Variants in NAALADL2 observed in about 807,000 individuals in gnomAD.
NAALADL2 encodes N-acetylated alpha-linked acidic dipeptidase like 2.
NAALADL2 carries 76 observed loss-of-function variants against 87.2 expected under a neutral mutation model. That is an observed-to-expected ratio of 0.87 (90% CI 0.72 to 1.05). The LOEUF (loss-of-function observed/expected upper bound fraction) is 1.05, where lower values mean the gene tolerates loss of function less well. Among genes scored for constraint, NAALADL2 ranks in the 50% least tolerant of loss-of-function variants. The pLI is 0.00. For synonymous variants in NAALADL2, 354 were observed against 331.0 expected, an observed-to-expected ratio of 1.07 and a Z score of -0.75; for missense variants, 1,089 against 945.8, an observed-to-expected ratio of 1.15 and a Z score of -1.99.
chr3:174,654,054 A>T (rs1724645757), intron 2 of NAALADL2, among the ~76,000 whole-genome samples: 1 of 140,530 alleles, frequency 7.1e-6, no homozygotes, highest in Non-Finnish European at 1.5e-5. Flanking sequence ...TAGTAATAAG[A>T]TGGCTTTGTG....
chr3:174,569,146 A>G (rs1714630891), intron 2 of NAALADL2, among the ~76,000 whole-genome samples: 1 of 151,874 alleles, frequency 6.6e-6, no homozygotes, highest in Non-Finnish European at 1.5e-5. Flanking sequence ...TAAAATGAAA[A>G]GATTGTAAGA....
rs758876984 is a variant in NAALADL2 at position 175,233,909 on chromosome 3, TTTC to T, written c.546-19_546-17del. ...AAAGTATTCTCCTTTTTAAAAAAGT[TTTC>T]TTTTCAAATTTATTTCAGAAATTTG... On this transcript the variant is annotated intron_variant, in intron 2 of 13. Coordinates refer to ENST00000454872, the MANE Select transcript of NAALADL2 (RefSeq NM_207015.3). 6.9e-7 allele frequency: 1 copy of T among 1,441,454 alleles called. No homozygotes were observed. The highest frequency in any genetic ancestry group is 9.6e-7 in the Non-Finnish European group (1 of 1,043,392). The allele number at this position is 1,441,454 out of a possible 1,614,324, so 89.3% of individuals were successfully genotyped here. A position where few individuals can be genotyped will look rare whatever the true frequency, so the allele number is the denominator to read the frequency against.
chr3:174,857,161 G>A (rs1293724087), upstream of NAALADL2, among the ~76,000 whole-genome samples: 1 of 152,152 alleles, frequency 6.6e-6, no homozygotes, highest in Non-Finnish European at 1.5e-5. Flanking sequence ...TTCAGCAAAA[G>A]GGAGGTGAAG....
chr3:175,420,268 T>C (rs756806315), intron 5 of NAALADL2, among the ~76,000 whole-genome samples: 68 of 152,182 alleles, frequency 4.5e-4, no homozygotes, highest in South Asian at 1.2e-3. Context: ...CCTGTTTAGA[T>C]TGGCACTTTC....
chr3:175,654,751 A>G (rs944092968), intron 11 of NAALADL2, among the ~76,000 whole-genome samples: 1 of 152,176 alleles, frequency 6.6e-6, no homozygotes, highest in Non-Finnish European at 1.5e-5. Context: ...ATGAAGCCAC[A>G]GGCTTCATTG....
intron 2 of NAALADL2, among the ~76,000 whole-genome samples, chr3:175,196,758 C>G (rs1318011829): frequency 6.6e-6 from 1 of 151,910 alleles, no homozygotes; most frequent in African/African-American, 2.4e-5. Flanking sequence ...AATGGCCTCA[C>G]AAATTTCCTT....
At chr3:174,713,984 G>A (rs1364412482) in intron 2 of NAALADL2, among the ~76,000 whole-genome samples, 1 of 152,120 alleles carries the variant, frequency 6.6e-6, no homozygotes, top group Non-Finnish European at 1.5e-5. Context: ...TATATAAGGT[G>A]TGAGGAAGGG....
intron 3 of NAALADL2, among the ~76,000 whole-genome samples, chr3:175,253,167 G>C (rs1040735712): frequency 6.6e-6 from 1 of 152,120 alleles, no homozygotes; most frequent in Non-Finnish European, 1.5e-5. Flanking sequence ...AGAGAAGAAG[G>C]CTAGGCCAGG....
intron 1 of NAALADL2, among the ~76,000 whole-genome samples, chr3:174,883,063 A>G (rs1729628186): frequency 6.6e-6 from 1 of 152,048 alleles, no homozygotes; most frequent in Non-Finnish European, 1.5e-5. Flanking sequence ...GTTCAAGGGC[A>G]GGAAGCATCC....
chr3:175,782,533 G>A lies in NAALADL2; in HGVS notation c.2190-20472G>A, dbSNP rs1219987665. Among the ~76,000 whole-genome samples the A allele has an allele frequency of 4.6e-3, 631 of 136,678 alleles. 7 individuals are homozygous for A. The highest frequency in any genetic ancestry group is 0.018 in the African/African-American group (568 of 32,260). 89.7% of individuals were successfully genotyped at this position (136,678 alleles called of 152,430 possible). On this transcript the variant is annotated intron_variant, in intron 13 of 13. Transcript: ENST00000454872. ...TGAGAAGTGTCTGTTCATGTCCTTC[G>A]CCCACTTTTTGATGGGGTTGTTTGT...
chr3:174,738,679 C>G (rs575915979), intron 3 of NAALADL2, among the ~76,000 whole-genome samples: 131 of 152,234 alleles, frequency 8.6e-4, no homozygotes, highest in Non-Finnish European at 1.5e-3. Context: ...GAATTAATTT[C>G]TAAGGTTATT....
chr3:175,368,924 G>C (rs1405819883), intron 5 of NAALADL2, among the ~76,000 whole-genome samples: 1 of 152,068 alleles, frequency 6.6e-6, no homozygotes, highest in East Asian at 1.9e-4. Flanking sequence ...TGCCACCCCT[G>C]TATAGGGCAC....
At chr3:174,572,672 T>G (rs558341164) in intron 2 of NAALADL2, among the ~76,000 whole-genome samples, 1 of 152,296 alleles carries the variant, frequency 6.6e-6, no homozygotes, top group Non-Finnish European at 1.5e-5. Flanking sequence ...GGACTCAAGA[T>G]CAATATAAAC....
At chr3:175,645,936 T>G (rs1325718997) in intron 11 of NAALADL2, among the ~76,000 whole-genome samples, 1 of 152,156 alleles carries the variant, frequency 6.6e-6, no homozygotes, top group African/African-American at 2.4e-5. Context: ...GAGCTACTCA[T>G]CTAAGTAATA....
intron 1 of NAALADL2, among the ~76,000 whole-genome samples, chr3:174,488,310 G>A (rs1717982813): frequency 6.6e-6 from 1 of 151,900 alleles, no homozygotes; most frequent in Admixed American, 6.6e-5. Flanking sequence ...TAACTGCTTG[G>A]ATAAGATATT....
At chr3:174,882,766 C>T (rs559840619) in intron 1 of NAALADL2, among the ~76,000 whole-genome samples, 4 of 137,118 alleles carry the variant, frequency 2.9e-5, no homozygotes, top group Non-Finnish European at 3.2e-5. Flanking sequence ...TATATATACA[C>T]ACGTGTATAT....
chr3:175,090,532 C>T (rs771095928), intron 1 of NAALADL2, among the ~76,000 whole-genome samples: 1 of 150,958 alleles, frequency 6.6e-6, no homozygotes, highest in Non-Finnish European at 1.5e-5. Flanking sequence ...TGATCTAAAA[C>T]AAATTTACAC....
intron 3 of NAALADL2, among the ~76,000 whole-genome samples, chr3:174,824,872 T>A (rs1353279365): frequency 2.0e-5 from 3 of 152,130 alleles, no homozygotes; most frequent in African/African-American, 4.8e-5. Flanking sequence ...ATCAAAAAAA[T>A]AAGACTGTTA....
rs568551260 is a variant in NAALADL2, at chr3:175,591,455, T to A, written c.1800+15268T>A. Among the ~76,000 whole-genome samples, 46 of 151,426 alleles carry A rather than the reference T, an allele frequency of 3.0e-4. 1 individual carries two copies. The East Asian group carries it at 7.7e-3, about 25-fold the overall frequency. On this transcript the variant is annotated intron_variant, in intron 10 of 13. Coordinates refer to ENST00000454872, the MANE Select transcript of NAALADL2 (RefSeq NM_207015.3). ...TGTTAACAGAAAATAATTTTTTTTT[T>A]ATTTCTTAAAAATGTTAATCATCAT...
Sources: allele counts gnomAD v4.1 joint callset (sites outside exome capture counted in the v4.1 genomes callset), GRCh38; gene constraint gnomAD v4.1.1; transcripts MANE v1.5; gene names NCBI Gene and HGNC (gene_info 2026-07-23, HGNC 2026-07-21).